The following EPHA7 variants were observed in gnomAD, a reference collection of about 807,000 sequenced individuals.
EPHA7 encodes ephrin type-A receptor 7.
A neutral mutation model predicts 112.6 loss-of-function variants in EPHA7; 25 were observed. The ratio of observed to expected loss-of-function variants is 0.22; its 90% CI spans 0.16 to 0.31. The LOEUF (loss-of-function observed/expected upper bound fraction) is 0.31. Ranked by LOEUF, EPHA7 falls within the 10% of genes least tolerant of loss-of-function variation. The pLI is 1.00. For synonymous variants in EPHA7, 437 were observed against 406.5 expected (o/e 1.07, Z -0.90); for missense variants, 962 against 1,212.6 (o/e 0.79, Z 3.07).
chr6:93,396,715 A>G (rs1055300809), intron 3 of EPHA7, among the ~76,000 whole-genome samples: 1 of 151,884 alleles, frequency 6.6e-6, no homozygotes, highest in Non-Finnish European at 1.5e-5. Context: ...TACAATATAT[A>G]GCTATCAAAA....
chr6:93,285,315 A>G (rs1360997738), intron 5 of EPHA7, among the ~76,000 whole-genome samples: 2 of 152,230 alleles, frequency 1.3e-5, no homozygotes, highest in Non-Finnish European at 2.9e-5. Context: ...GAATCACTGC[A>G]CTGGGAAGAT....
In EPHA7 at chr6:93,358,347, G is replaced by A; in HGVS notation, c.897C>T (p.His299=). 1 of 1,613,296 alleles carries A rather than the reference G, an allele frequency of 6.2e-7. No homozygotes were observed. The highest frequency in any genetic ancestry group is 1.3e-5 in the African/African-American group (1 of 74,952). The part of the protein sequence containing the change: ...QDLQCSRCPT[H]SFSDKEGSSR... Reference sequence around the variant, plus strand: ...AGGAGCCTTCTTTATCAGAAAAACTGTGAGTTGGACAACGAGAGCACTGAA... The same window carrying A: ...AGGAGCCTTCTTTATCAGAAAAACTATGAGTTGGACAACGAGAGCACTGAA... The change falls in exon 4 of 17, where the codon CAC becomes CAT. Residue 299 remains histidine (H), a synonymous_variant. Transcript: ENST00000369303.
At chr6:93,265,137 A>C (rs1477245813) in intron 7 of EPHA7, among the ~76,000 whole-genome samples, 2 of 151,634 alleles carry the variant, frequency 1.3e-5, no homozygotes, top group Non-Finnish European at 3.0e-5. Context: ...ACCTTAACAC[A>C]CATTAAATGC....
chr6:93,311,359 T>C lies in EPHA7; in HGVS notation c.1325-38937A>G, dbSNP rs79483063. 5.0e-3 allele frequency among the ~76,000 whole-genome samples: 763 copies of C among 152,190 alleles called. 11 individuals carry two copies. The highest frequency in any genetic ancestry group is 0.018 in the African/African-American group (736 of 41,524). On this transcript the variant is annotated intron_variant, in intron 5 of 16. Transcript: ENST00000369303. ...GCTTTATCAGCTAAGTTTATGTAAG[T>C]AATATTTTAAGTCCTTCTTTGTCAT...
chr6:93,245,389 A>G lies in EPHA7; in HGVS notation c.2791T>C (p.Trp931Arg). The G allele has an allele frequency of 6.2e-7, 1 of 1,613,828 alleles. No individual in the cohort carries two copies. Among genetic ancestry groups the G allele is most frequent in the Non-Finnish European group, 8.5e-7 (1 of 1,179,880 alleles). The change falls in exon 16 of 17, where the codon TGG becomes CGG. Residue 931 changes from tryptophan to arginine, a missense_variant. Trp to Arg is a moderately radical substitution (Grantham distance 101). Transcript: ENST00000369303. ...CTTTCCATCTTAATAGCTTGTAGCC[A>G]TTCTCCAACTGAACAAAAGGTAGTG... ...DFTTFCSVGE[W>R]LQAIKMERYK... is the part of the protein sequence containing the mutation.
At chr6:93,416,104 T>G (rs1170753604) in intron 1 of EPHA7, among the ~76,000 whole-genome samples, 2 of 151,854 alleles carry the variant, frequency 1.3e-5, no homozygotes, top group African/African-American at 4.8e-5. Context: ...AAAAAAAAAC[T>G]TGATCAGAAA....
Position 93,242,577 on chromosome 6 carries a change from C to T in EPHA7, c.*849G>A, listed in dbSNP as rs1359641126. ...ATGAAGTGCCTCATTTGTTTATATA[C>T]TCATAAACCTAAACTTCGAGTTTAT... On this transcript the variant is annotated 3_prime_UTR_variant, in exon 17 of 17. Coordinates refer to ENST00000369303, the MANE Select transcript of EPHA7 (RefSeq NM_004440.4). The T allele has an allele frequency of 4.8e-6, 1 of 209,560 alleles. No homozygotes were observed. The highest frequency in any genetic ancestry group is 9.7e-6 in the Non-Finnish European group (1 of 102,830). The allele number at this position is 209,560 out of a possible 1,614,324, so 13.0% of individuals were successfully genotyped here.
rs2127827611 is a variant in EPHA7, at chr6:93,283,974, AAAG to A, written c.1325-11555_1325-11553del. Among the ~76,000 whole-genome samples, 2 of 152,342 alleles carry A rather than the reference AAAG, an allele frequency of 1.3e-5. 1 individual carries two copies. Among genetic ancestry groups the A allele is most frequent in the South Asian group, 4.1e-4 (2 of 4,828 alleles). ...TATAATTGAAGGTATGCCTATTCTTAAAGTGATATTCATTTAAGCTGATAAAAT... is the reference window on the plus strand; with the variant it reads ...TATAATTGAAGGTATGCCTATTCTTATGATATTCATTTAAGCTGATAAAAT... On this transcript the variant is annotated intron_variant, in intron 5 of 16. Coordinates refer to ENST00000369303, the MANE Select transcript of EPHA7 (RefSeq NM_004440.4).
At chr6:93,245,877 G>C (rs1769922837) in intron 15 of EPHA7, among the ~76,000 whole-genome samples, 1 of 152,114 alleles carries the variant, frequency 6.6e-6, no homozygotes. Context: ...TGGGGAGTTA[G>C]AACACCTCCA....
chr6:93,295,694 C>T, intron 5 of EPHA7, among the ~76,000 whole-genome samples: 1 of 151,628 alleles, frequency 6.6e-6, no homozygotes, highest in Middle Eastern at 3.2e-3. Flanking sequence ...TTTATTTTCC[C>T]TACATAATTG....
In EPHA7 at chr6:93,419,326, G is replaced by C; in HGVS notation, c.16C>G (p.Arg6Gly). 1 of 1,613,966 alleles carries C rather than the reference G, an allele frequency of 6.2e-7. No individual in the cohort carries two copies. Among genetic ancestry groups the C allele is most frequent in the Non-Finnish European group, 8.5e-7 (1 of 1,179,864 alleles). ...CATAAAATAATCCATGAAGGGTACCGAGTTTGAAAAACCATGGTGCATGAG... is the reference window on the plus strand; with the variant it reads ...CATAAAATAATCCATGAAGGGTACCCAGTTTGAAAAACCATGGTGCATGAG... MVFQT[R>G]YPSWIILCYI... Residue 6 changes from arginine to glycine, a missense_variant, in exon 1 of 17, where the codon CGG becomes GGG. Arg to Gly is a moderately radical substitution (Grantham distance 125). Around this residue, in one of 3 missense-constraint regions of EPHA7, gnomAD observed 56 missense variants for 59.9 expected, o/e 0.94. Transcript: ENST00000369303.
chr6:93,265,799 A>G (rs1003502229), intron 7 of EPHA7, among the ~76,000 whole-genome samples: 5 of 151,850 alleles, frequency 3.3e-5, no homozygotes, highest in Middle Eastern at 3.4e-3. Flanking sequence ...TGTTGATGGC[A>G]AGGGACTAGA....
intron 14 of EPHA7, 130 bp from the exon 15 acceptor site, chr6:93,247,115 T>C: frequency 1.3e-6 from 1 of 768,712 alleles, no homozygotes; most frequent in Non-Finnish European, 2.0e-6. Context: ...ACTTACTTTT[T>C]TCCCAAAATT....
intron 5 of EPHA7, among the ~76,000 whole-genome samples, chr6:93,320,933 T>C (rs1411558334): frequency 1.3e-5 from 2 of 151,960 alleles, no homozygotes; most frequent in Non-Finnish European, 2.9e-5. Context: ...TTATAAAATG[T>C]TATATAGTTA....
chr6:93,288,731 A>T (rs1772200699), intron 5 of EPHA7, among the ~76,000 whole-genome samples: 1 of 152,142 alleles, frequency 6.6e-6, no homozygotes, highest in Non-Finnish European at 1.5e-5. Flanking sequence ...GGCTCTGCCC[A>T]GCTGCTTTTC....
At chr6:93,392,349 C>G (rs1181411865) in intron 3 of EPHA7, among the ~76,000 whole-genome samples, 1 of 151,846 alleles carries the variant, frequency 6.6e-6, no homozygotes, top group Admixed American at 6.6e-5. Context: ...TTCAGTTGTC[C>G]TGACTGCTTT....
intron 5 of EPHA7, among the ~76,000 whole-genome samples, chr6:93,347,356 C>T (rs1048952543): frequency 6.6e-6 from 1 of 151,782 alleles, no homozygotes; most frequent in African/African-American, 2.4e-5. Flanking sequence ...CTGTCTTGGA[C>T]ATTGAAAATA....
In EPHA7 at chr6:93,241,682, C is replaced by A. The variant is rs1014534220; in HGVS notation, c.*1744G>T. On this transcript the variant is annotated 3_prime_UTR_variant, in exon 17 of 17. Coordinates refer to ENST00000369303, the MANE Select transcript of EPHA7 (RefSeq NM_004440.4). ...CAATCCATTTGAGTTTTTCTATAGCCGTCTTTGGTCCTAAATGTGGGAAAA... is the reference window on the plus strand; with the variant it reads ...CAATCCATTTGAGTTTTTCTATAGCAGTCTTTGGTCCTAAATGTGGGAAAA... 4.5e-6 allele frequency: 1 copy of A among 223,240 alleles called. No homozygotes were observed. The highest frequency in any genetic ancestry group is 2.2e-5 in the African/African-American group (1 of 44,698). 13.8% of individuals were successfully genotyped at this position (223,240 alleles called of 1,614,324 possible).
In EPHA7 at chr6:93,405,032, A is replaced by G. The variant is rs188830880; in HGVS notation, c.832+5469T>C. On this transcript the variant is annotated intron_variant, in intron 3 of 16. Coordinates refer to ENST00000369303, the MANE Select transcript of EPHA7 (RefSeq NM_004440.4). ...TTATATAAGCTACCTGGTTACTTAGAACTTAAAATTATAGTGTACAAAAAT... is the reference window on the plus strand; with the variant it reads ...TTATATAAGCTACCTGGTTACTTAGGACTTAAAATTATAGTGTACAAAAAT... Among the ~76,000 whole-genome samples the G allele has an allele frequency of 4.9e-3, 746 of 151,994 alleles. 3 individuals carry two copies. The highest frequency in any genetic ancestry group is 0.016 in the African/African-American group (684 of 41,542).
Sources: allele counts gnomAD v4.1 joint callset (sites outside exome capture counted in the v4.1 genomes callset), GRCh38; gene constraint gnomAD v4.1.1; regional missense constraint gnomAD v4.1.1; transcripts MANE v1.5; gene names NCBI Gene and HGNC (gene_info 2026-07-23, HGNC 2026-07-21).